ROR1: variants seen among roughly 807,000 people sequenced by gnomAD.
ROR1 encodes ROR family WNT receptor 1, also known as inactive tyrosine-protein kinase transmembrane receptor ROR1.
ROR1 carries 19 observed loss-of-function variants against 78.8 expected under a neutral mutation model. That is an observed-to-expected ratio of 0.24 (90% CI 0.17 to 0.35). ROR1 has a LOEUF of 0.35. Among genes scored for constraint, ROR1 ranks in the 10% least tolerant of loss-of-function variants. The pLI is 1.00. For missense variants in ROR1, 917 were observed against 1,177.8 expected (o/e 0.78, Z 3.24); for synonymous variants, 386 against 433.6 (o/e 0.89, Z 1.36).
At position 64,177,494 on chromosome 1, in the gene ROR1, G is replaced by A; in HGVS notation, c.1453G>A (p.Gly485Arg). 1.2e-6 allele frequency: 2 copies of A among 1,614,090 alleles called. No homozygotes were observed. The highest frequency in any genetic ancestry group is 8.5e-7 in the Non-Finnish European group (1 of 1,179,998). Residue 485 changes from glycine to arginine, a missense_variant, in exon 9 of 9, where the codon GGA (glycine) becomes AGA (arginine). Coordinates refer to ENST00000371079, the MANE Select transcript of ROR1 (RefSeq NM_005012.4). ...FMEELGECAF[G>R]KIYKGHLYLP... is the part of the protein sequence containing the mutation. ...GGAAGAATTGGGTGAGTGTGCCTTT[G>A]GAAAAATCTATAAAGGCCATCTCTA...
At chr1:64,159,225 C>T (rs554974005) in intron 8 of ROR1, 33 bp downstream of exon 8, 68 of 1,520,978 alleles carry the variant, frequency 4.5e-5, no homozygotes, top group Non-Finnish European at 5.3e-5. Context: ...ACATTTGTTC[C>T]GTGGGCTTCA....
At chr1:64,001,016 A>AAT (rs1304778704) in intron 1 of ROR1, among the ~76,000 whole-genome samples, 5 of 152,226 alleles carry the variant, frequency 3.3e-5, no homozygotes, top group African/African-American at 9.6e-5. Context: ...TACAGGAATG[A>AAT]ATAATTTAGC....
chr1:64,044,093 G>A (rs549262070), intron 2 of ROR1, among the ~76,000 whole-genome samples: 9 of 152,178 alleles, frequency 5.9e-5, no homozygotes, highest in Admixed American at 1.3e-4. Context: ...CAATCGCTTG[G>A]GATTGCCCCA....
chr1:63,811,173 C>A (rs1429207419), intron 1 of ROR1, among the ~76,000 whole-genome samples: 1 of 152,222 alleles, frequency 6.6e-6, no homozygotes, highest in Non-Finnish European at 1.5e-5. Context: ...TCATACTCAT[C>A]TGTTTATAAT....
intron 1 of ROR1, among the ~76,000 whole-genome samples, chr1:63,954,893 T>A (rs1288439835): frequency 1.3e-5 from 2 of 152,076 alleles, no homozygotes; most frequent in Non-Finnish European, 2.9e-5. Flanking sequence ...TGTAATTAGT[T>A]GGATTCCATT....
At chr1:64,082,982 A>G (rs983413409) in intron 4 of ROR1, among the ~76,000 whole-genome samples, 5 of 152,240 alleles carry the variant, frequency 3.3e-5, no homozygotes, top group Non-Finnish European at 7.3e-5. Context: ...TTACATATCC[A>G]AAAGAAATTA....
chr1:63,963,577 A>G (rs1646049918), intron 1 of ROR1, among the ~76,000 whole-genome samples: 1 of 148,828 alleles, frequency 6.7e-6, no homozygotes, highest in Admixed American at 6.6e-5. Flanking sequence ...TCAAAAAAAC[A>G]AAACAAAACA....
chr1:63,889,094 C>A (rs984367119), intron 1 of ROR1, among the ~76,000 whole-genome samples: 2 of 152,234 alleles, frequency 1.3e-5, no homozygotes, highest in South Asian at 2.1e-4. Flanking sequence ...TAGGAAAATT[C>A]CTTGACATAT....
At chr1:63,927,995 T>G (rs887123016) in intron 1 of ROR1, among the ~76,000 whole-genome samples, 2 of 151,740 alleles carry the variant, frequency 1.3e-5, no homozygotes, top group African/African-American at 2.4e-5. Flanking sequence ...GCCTAATGAT[T>G]TGGCATGCTG....
intron 4 of ROR1, among the ~76,000 whole-genome samples, chr1:64,117,179 T>C (rs1464077619): frequency 2.0e-5 from 3 of 152,138 alleles, no homozygotes; most frequent in South Asian, 2.1e-4. Context: ...GGAAACTTAG[T>C]AAAGAGGAAA....
At position 64,180,314 on chromosome 1, in the gene ROR1, T is replaced by A. The variant is rs1189936252; in HGVS notation, c.*1459T>A. ...AGAACAATGTCTCAAAGTCTCATTT[T>A]TACTTTAAAGGTATAAGAGACTTCT... On this transcript the variant is annotated 3_prime_UTR_variant, in exon 9 of 9. Coordinates refer to ENST00000371079, the MANE Select transcript of ROR1 (RefSeq NM_005012.4). The A allele has an allele frequency of 6.6e-6, 1 of 152,252 alleles. No homozygotes were observed. Among genetic ancestry groups the A allele is most frequent in the Non-Finnish European group, 1.5e-5 (1 of 68,042 alleles). 9.4% of individuals were successfully genotyped at this position (152,252 alleles called of 1,614,324 possible).
At chr1:64,143,629 A>C (rs1649392466) in intron 7 of ROR1, among the ~76,000 whole-genome samples, 1 of 152,192 alleles carries the variant, frequency 6.6e-6, no homozygotes, top group Non-Finnish European at 1.5e-5. Context: ...TTCATTCAGA[A>C]TATTTGTTGA....
intron 1 of ROR1, among the ~76,000 whole-genome samples, chr1:63,852,504 G>A (rs1376207292): frequency 6.6e-6 from 1 of 152,180 alleles, no homozygotes; most frequent in Non-Finnish European, 1.5e-5. Context: ...AGCTCAGAGA[G>A]GTGTTTTTAT....
intron 1 of ROR1, among the ~76,000 whole-genome samples, chr1:63,888,824 G>T (rs1460401961): frequency 6.6e-6 from 1 of 152,050 alleles, no homozygotes; most frequent in Non-Finnish European, 1.5e-5. Flanking sequence ...CTCAGCATTT[G>T]ACATATATTA....
chr1:63,894,274 C>T lies in ROR1; in HGVS notation c.92-115031C>T, dbSNP rs190502605. ...AGAATGGTGTATAATTTAAAACTTACGAATTATTTCTGCAATTTTCCATTC... is the reference window on the plus strand; with the variant it reads ...AGAATGGTGTATAATTTAAAACTTATGAATTATTTCTGCAATTTTCCATTC... On this transcript the variant is annotated intron_variant, in intron 1 of 8. Coordinates refer to ENST00000371079, the MANE Select transcript of ROR1 (RefSeq NM_005012.4). Among the ~76,000 whole-genome samples the T allele has an allele frequency of 1.1e-4, 17 of 152,174 alleles. No individual in the cohort carries two copies. The South Asian group carries it at 2.1e-3, about 19-fold the overall frequency.
chr1:64,081,723 A>G (rs982408103), intron 4 of ROR1, among the ~76,000 whole-genome samples: 5 of 139,986 alleles, frequency 3.6e-5, no homozygotes, highest in African/African-American at 1.4e-4. Context: ...GTGAGCCATG[A>G]TTGCACCGTT....
intron 7 of ROR1, among the ~76,000 whole-genome samples, chr1:64,144,209 T>C (rs1649416064): frequency 6.6e-6 from 1 of 152,124 alleles, no homozygotes; most frequent in African/African-American, 2.4e-5. Context: ...CGGAGAAAAC[T>C]ATAGGAGGAA....
intron 1 of ROR1, among the ~76,000 whole-genome samples, chr1:63,888,649 CT>C (rs1645373431): frequency 6.6e-6 from 1 of 151,800 alleles, no homozygotes. Context: ...ACTGATGCTC[CT>C]TCTACTTGTT....
At chr1:64,074,713 T>A (rs1278857701) in intron 4 of ROR1, among the ~76,000 whole-genome samples, 3 of 152,162 alleles carry the variant, frequency 2.0e-5, no homozygotes, top group East Asian at 3.9e-4. Flanking sequence ...GTGCTACCAG[T>A]TTGGGCAAGT....
Sources: gnomAD v4.1 joint callset for allele counts (sites outside exome capture counted in the v4.1 genomes callset) on GRCh38, gnomAD v4.1.1 for gene constraint, MANE v1.5 for transcripts, NCBI Gene and HGNC (gene_info 2026-07-23, HGNC 2026-07-21) for gene names.